The following ATG7 variants were observed in gnomAD, a reference collection of about 807,000 sequenced individuals.
The protein encoded by ATG7 is ubiquitin-like modifier-activating enzyme ATG7.
In ATG7, 70 loss-of-function variants were observed where a neutral mutation model predicts 82.4. The ratio of observed to expected loss-of-function variants is 0.85; its 90% confidence interval spans 0.70 to 1.04. The LOEUF is 1.04. Ranked by LOEUF, ATG7 falls within the 50% of genes least tolerant of loss-of-function variation. ATG7 has a pLI of 0.00. For synonymous variants in ATG7, 287 were observed against 313.0 expected, an observed-to-expected ratio of 0.92 and a Z score of 0.88; for missense variants, 792 against 864.3, an observed-to-expected ratio of 0.92 and a Z score of 1.05.
intron 19 of ATG7, among the ~76,000 whole-genome samples, chr3:11,415,463 T>A (rs2081289665): frequency 6.6e-6 from 1 of 152,238 alleles, no homozygotes; most frequent in African/African-American, 2.4e-5. Context: ...TTTACTCTTT[T>A]GTAACAACAC....
intron 20 of ATG7, among the ~76,000 whole-genome samples, chr3:11,469,788 A>G (rs542818814): frequency 6.6e-5 from 10 of 151,822 alleles, no homozygotes; most frequent in African/African-American, 2.4e-4. Context: ...GGAGTTTGAG[A>G]ACAGCCTGAA....
chr3:11,354,644 T>A (rs2152802665), intron 14 of ATG7, among the ~76,000 whole-genome samples: 1 of 86,870 alleles, frequency 1.2e-5, no homozygotes, highest in East Asian at 3.8e-4. Context: ...TGAGACTCCA[T>A]CTCACCAAAA....
Position 11,306,873 on chromosome 3 carries a change from GGT to G in ATG7, c.216-68_216-67del. ...AATACCCTTTTTATCCCACTACAGT[GGT>G]GGTTGACTTGTCTCTCCCTGGCTGA... On this transcript the variant is annotated intron_variant, in intron 5 of 20. Coordinates refer to ENST00000693202, the MANE Select transcript of ATG7 (RefSeq NM_001349232.2). 10 of 1,164,908 alleles carry G rather than the reference GGT, an allele frequency of 8.6e-6. No individual in the cohort carries two copies. The South Asian group carries it at 1.2e-4, about 15-fold the overall frequency. The allele number at this position is 1,164,908 out of a possible 1,614,324, so 72.2% of individuals were successfully genotyped here. A position where few individuals can be genotyped will look rare whatever the true frequency, so the allele number is the denominator to read the frequency against.
At chr3:11,479,589 C>A (rs890562028) in intron 20 of ATG7, among the ~76,000 whole-genome samples, 2 of 151,744 alleles carry the variant, frequency 1.3e-5, no homozygotes, top group Non-Finnish European at 2.9e-5. Flanking sequence ...AGTTGGAAGC[C>A]CAAAGTAAGG....
intron 19 of ATG7, among the ~76,000 whole-genome samples, chr3:11,402,308 C>CTG (rs1230704299): frequency 6.6e-6 from 1 of 152,136 alleles, no homozygotes; most frequent in African/African-American, 2.4e-5. Flanking sequence ...TGGCAGGCGC[C>CTG]TGTAATCCCA....
intron 6 of ATG7, among the ~76,000 whole-genome samples, chr3:11,308,020 T>C (rs2606759): frequency 0.84 from 128,404 of 152,204 alleles, 54,358 homozygotes; most frequent in East Asian, 1. Context: ...AAGCAGGCTC[T>C]GCCCCCACAG....
At chr3:11,502,739 T>G (rs1387010997) in intron 20 of ATG7, among the ~76,000 whole-genome samples, 4 of 152,098 alleles carry the variant, frequency 2.6e-5, no homozygotes, top group Non-Finnish European at 5.9e-5. Context: ...CCATAGAGCC[T>G]CCTGAAGACT....
intron 19 of ATG7, among the ~76,000 whole-genome samples, chr3:11,385,880 G>A (rs763281327): frequency 2.0e-5 from 3 of 152,190 alleles, no homozygotes; most frequent in Non-Finnish European, 4.4e-5. Flanking sequence ...TCTACAAATC[G>A]TCCTCTTGTC....
chr3:11,481,013 A>G (rs1451595597), intron 20 of ATG7, among the ~76,000 whole-genome samples: 2 of 152,224 alleles, frequency 1.3e-5, no homozygotes, highest in African/African-American at 2.4e-5. Context: ...AAGGGATACT[A>G]TTAGTCTTCA....
chr3:11,331,311 C>T (rs1951615731), intron 9 of ATG7, 29 bp from the exon 10 acceptor site: 2 of 1,535,242 alleles, frequency 1.3e-6, no homozygotes, highest in Admixed American at 3.4e-5. Context: ...TGATACTCGA[C>T]TTACTCAGAA....
At chr3:11,312,378 G>T (rs913519822) in intron 7 of ATG7, among the ~76,000 whole-genome samples, 6 of 152,188 alleles carry the variant, frequency 3.9e-5, no homozygotes, top group African/African-American at 1.4e-4. Flanking sequence ...GAATTCTGAA[G>T]CAAGAGCCAT....
intron 18 of ATG7, among the ~76,000 whole-genome samples, chr3:11,369,803 G>A (rs1337292362): frequency 2.0e-5 from 3 of 151,152 alleles, no homozygotes; most frequent in African/African-American, 4.9e-5. Context: ...ATGTCACTTT[G>A]CCCCATGAGT....
intron 20 of ATG7, among the ~76,000 whole-genome samples, chr3:11,507,127 C>G (rs2091775502): frequency 6.6e-6 from 1 of 152,018 alleles, no homozygotes; most frequent in South Asian, 2.1e-4. Flanking sequence ...ACTAAAAATA[C>G]AAAAATTAGC....
chr3:11,332,904 G>C, intron 10 of ATG7, 68 bp from the exon 11 acceptor site: 1 of 1,359,388 alleles, frequency 7.4e-7, no homozygotes, highest in Non-Finnish European at 9.6e-7. Flanking sequence ...AAGCTCTTAT[G>C]TGAGCTTTTT....
chr3:11,338,366 C>T (rs1952892823), intron 11 of ATG7, among the ~76,000 whole-genome samples: 1 of 152,120 alleles, frequency 6.6e-6, no homozygotes, highest in African/African-American at 2.4e-5. Flanking sequence ...CATTGATGGG[C>T]ATTTAAGCAG....
intron 20 of ATG7, among the ~76,000 whole-genome samples, chr3:11,545,871 A>T (rs994249224): frequency 3.3e-5 from 5 of 152,088 alleles, no homozygotes; most frequent in East Asian, 3.9e-4. Flanking sequence ...GCACCCCCAT[A>T]CCCCCATTGT....
chr3:11,438,704 A>G (rs888440386), intron 20 of ATG7, among the ~76,000 whole-genome samples: 1 of 152,180 alleles, frequency 6.6e-6, no homozygotes, highest in African/African-American at 2.4e-5. Flanking sequence ...TTATTAAAAA[A>G]ATTAGGCAAA....
chr3:11,484,908 G>A (rs1392745036), intron 20 of ATG7, among the ~76,000 whole-genome samples: 13 of 152,178 alleles, frequency 8.5e-5, no homozygotes, highest in Non-Finnish European at 7.3e-5. Context: ...ATTCCATGGT[G>A]TATATGTGCC....
chr3:11,512,578 G>A (rs866177074), intron 20 of ATG7, among the ~76,000 whole-genome samples: 82 of 152,348 alleles, frequency 5.4e-4, no homozygotes, highest in African/African-American at 1.8e-3. Flanking sequence ...AGTGTTAACA[G>A]TTCTTAAAGC....
Sources: allele counts gnomAD v4.1 joint callset (sites outside exome capture counted in the v4.1 genomes callset), GRCh38; gene constraint gnomAD v4.1.1; transcripts MANE v1.5; gene names NCBI Gene and HGNC (gene_info 2026-07-23, HGNC 2026-07-21).